The following PARD3 variants were observed in gnomAD, a reference collection of about 807,000 sequenced individuals.
The protein encoded by PARD3 is par-3 family cell polarity regulator, also known as partitioning defective 3 homolog.
Under a neutral mutation model 155.4 loss-of-function variants are expected in PARD3, and 75 were observed. The observed-to-expected ratio is 0.48, with a 90% CI of 0.40 to 0.58. The LOEUF (loss-of-function observed/expected upper bound fraction) is 0.58, where lower values mean the gene tolerates loss of function less well. Ranked by LOEUF, PARD3 falls within the 20% of genes least tolerant of loss-of-function variation. The pLI is 0.00. For missense variants in PARD3, 1,642 were observed against 1,721.7 expected, an observed-to-expected ratio of 0.95 and a Z score of 0.82; for synonymous variants, 576 against 610.5, an observed-to-expected ratio of 0.94 and a Z score of 0.83.
intron 1 of PARD3, among the ~76,000 whole-genome samples, chr10:34,773,904 A>C (rs1368687469): frequency 1.3e-5 from 2 of 152,202 alleles, no homozygotes; most frequent in African/African-American, 4.8e-5. Flanking sequence ...TAATTCCATC[A>C]CTGATTAGTT....
At chr10:34,622,752 C>T (rs775698223) in intron 2 of PARD3, among the ~76,000 whole-genome samples, 2 of 151,174 alleles carry the variant, frequency 1.3e-5, no homozygotes, top group East Asian at 1.9e-4. Context: ...AATCTAAGGC[C>T]GAACAGTAAT....
At chr10:34,467,699 T>C (rs146576162) in intron 4 of PARD3, among the ~76,000 whole-genome samples, 3,748 of 152,054 alleles carry the variant, frequency 0.025, 169 homozygotes, top group African/African-American at 0.086. Flanking sequence ...TGAGCTGAGA[T>C]TGCACCACTG....
In PARD3 at chr10:34,765,973, G is replaced by A. The variant is rs112766500; in HGVS notation, c.120+48903C>T. On this transcript the variant is annotated intron_variant, in intron 1 of 24. Transcript: ENST00000374788. ...GTAATTTGCCTAAAGATTACACAGA[G>A]CTGAATTTCAAATCCAGACAGCCTA... Among the ~76,000 whole-genome samples, 829 of 152,288 alleles carry A rather than the reference G, an allele frequency of 5.4e-3. 9 individuals are homozygous for A. Among genetic ancestry groups the A allele is most frequent in the African/African-American group, 0.019 (788 of 41,540 alleles).
chr10:34,330,757 T>C (rs1589203339), intron 19 of PARD3, among the ~76,000 whole-genome samples: 2 of 152,132 alleles, frequency 1.3e-5, no homozygotes, highest in East Asian at 3.9e-4. Context: ...AGAAATTACA[T>C]TTTTTACCAA....
intron 19 of PARD3, among the ~76,000 whole-genome samples, chr10:34,329,742 T>C (rs546086725): frequency 4.7e-4 from 71 of 152,146 alleles, no homozygotes; most frequent in Non-Finnish European, 8.4e-4. Context: ...AATCTGATCA[T>C]AGTGACAAAA....
At chr10:34,265,806 C>G (rs761303253) in intron 22 of PARD3, among the ~76,000 whole-genome samples, 1 of 152,204 alleles carries the variant, frequency 6.6e-6, no homozygotes. Context: ...TTAATGACAA[C>G]AGAAGCGGGC....
At position 34,254,384 on chromosome 10, in the gene PARD3, CAAAAACAAAAACA is replaced by C. The variant is rs974197777; in HGVS notation, c.3419+15260_3419+15272del. On this transcript the variant is annotated intron_variant, in intron 22 of 24. Transcript: ENST00000374788. ...ACAGAGCAAGACTCTGTCTCAAAAA[CAAAAACAAAAACA>C]AAAACAAAAACAAACAAAAAAATTA... Among the ~76,000 whole-genome samples, 169 of 77,726 alleles carry C rather than the reference CAAAAACAAAAACA, an allele frequency of 2.2e-3. 1 individual carries two copies. The African/African-American group carries it at 0.036, about 17-fold the overall frequency. The allele number at this position is 77,726 out of a possible 152,430, so 51.0% of individuals were successfully genotyped here. A position where few individuals can be genotyped will look rare whatever the true frequency, so the allele number is the denominator to read the frequency against.
chr10:34,255,880 T>C (rs577536484), intron 22 of PARD3, among the ~76,000 whole-genome samples: 2 of 152,348 alleles, frequency 1.3e-5, no homozygotes, highest in African/African-American at 4.8e-5. Context: ...AAGTACATTT[T>C]TCTATATACA....
intron 1 of PARD3, among the ~76,000 whole-genome samples, chr10:34,744,364 T>C (rs1302755588): frequency 6.6e-6 from 1 of 152,206 alleles, no homozygotes; most frequent in African/African-American, 2.4e-5. Context: ...AAAAACTTTT[T>C]CTAAGTTAAT....
At chr10:34,625,409 A>C (rs887485176) in intron 2 of PARD3, among the ~76,000 whole-genome samples, 1 of 152,208 alleles carries the variant, frequency 6.6e-6, no homozygotes, top group African/African-American at 2.4e-5. Flanking sequence ...AACTCAGGGA[A>C]AGCCCATCTC....
intron 20 of PARD3, chr10:34,312,193 T>C: frequency 7.4e-7 from 1 of 1,342,752 alleles, no homozygotes. Flanking sequence ...CCAAATGGAT[T>C]AATAAGGAAA....
intron 2 of PARD3, among the ~76,000 whole-genome samples, chr10:34,582,158 C>G (rs1462048794): frequency 6.6e-6 from 1 of 152,164 alleles, no homozygotes; most frequent in Non-Finnish European, 1.5e-5. Context: ...CTTTGCTGTT[C>G]CAAATAACAT....
chr10:34,231,014 G>A (rs572659099), intron 22 of PARD3, among the ~76,000 whole-genome samples: 5 of 151,892 alleles, frequency 3.3e-5, no homozygotes, highest in Non-Finnish European at 5.9e-5. Flanking sequence ...GTGACAGAGC[G>A]AGACCCTGTA....
intron 2 of PARD3, among the ~76,000 whole-genome samples, chr10:34,636,080 AGAAGGAAGAAG>A (rs2092461004): frequency 6.6e-6 from 1 of 151,886 alleles, no homozygotes; most frequent in African/African-American, 2.4e-5. Context: ...GAAGGAAGGA[AGAAGGAAGAAG>A]GAAGGAAGAC....
At chr10:34,197,349 C>G (rs1057093311) in intron 22 of PARD3, among the ~76,000 whole-genome samples, 2 of 152,120 alleles carry the variant, frequency 1.3e-5, no homozygotes, top group Non-Finnish European at 2.9e-5. Context: ...AACCTTCCCC[C>G]GACTGGTTTT....
intron 3 of PARD3, among the ~76,000 whole-genome samples, chr10:34,483,500 G>A (rs1425741996): frequency 4.6e-5 from 6 of 131,710 alleles, no homozygotes; most frequent in African/African-American, 7.6e-5. Context: ...AAAAAAAAAA[G>A]AGAGAGAAAA....
At chr10:34,208,172 T>TA (rs1327750293) in intron 22 of PARD3, among the ~76,000 whole-genome samples, 12 of 152,304 alleles carry the variant, frequency 7.9e-5, no homozygotes, top group African/African-American at 2.6e-4. Flanking sequence ...ACATGTCTTC[T>TA]AAAAAATAAA....
chr10:34,766,568 A>G (rs10740896), intron 1 of PARD3, among the ~76,000 whole-genome samples: 89,186 of 148,098 alleles, frequency 0.6, 28,686 homozygotes, highest in Non-Finnish European at 0.72. Context: ...GAGACTAGAC[A>G]TCAGCCAAGA....
intron 3 of PARD3, among the ~76,000 whole-genome samples, chr10:34,514,893 G>C (rs926428055): frequency 2.0e-5 from 3 of 152,148 alleles, no homozygotes; most frequent in Non-Finnish European, 2.9e-5. Flanking sequence ...TTTTTATGGT[G>C]TGGCTATATT....
Sources: gnomAD v4.1 joint callset for allele counts (sites outside exome capture counted in the v4.1 genomes callset) on GRCh38, gnomAD v4.1.1 for gene constraint, MANE v1.5 for transcripts, NCBI Gene and HGNC (gene_info 2026-07-23, HGNC 2026-07-21) for gene names.